Variants in AQP10 observed in about 807,000 individuals in gnomAD.
AQP10 encodes the protein aquaporin-10.
In AQP10, 15 loss-of-function variants were observed where a neutral mutation model predicts 21.0. The observed-to-expected ratio is 0.71, with a 90% CI of 0.48 to 1.10. The LOEUF is 1.10. AQP10 is among the 50% of genes least tolerant of loss of function. The pLI, the probability that AQP10 is intolerant of heterozygous loss-of-function variation, is 0.00. For synonymous variants in AQP10, 143 were observed against 155.7 expected, an observed-to-expected ratio of 0.92 and a Z score of 0.61; for missense variants, 268 against 379.5, an observed-to-expected ratio of 0.71 and a Z score of 2.44.
At position 154,324,940 on chromosome 1, in the gene AQP10, A is replaced by G. The variant is rs1356634023; in HGVS notation, c.*460A>G. The G allele has an allele frequency of 2.6e-5, 4 of 152,444 alleles. No homozygotes were observed. Among genetic ancestry groups the G allele is most frequent in the African/African-American group, 9.7e-5 (4 of 41,422 alleles). 9.4% of individuals were successfully genotyped at this position (152,444 alleles called of 1,614,324 possible). A position where few individuals can be genotyped will look rare whatever the true frequency, so the allele number is the denominator to read the frequency against. On this transcript the variant is annotated 3_prime_UTR_variant, in exon 6 of 6. Transcript: ENST00000324978. ...TCACCCTCTCGGGGATGCCTCCCCAAGAGGGTAGTTAGGGGTGGGGAAGCC... is the reference window on the plus strand; with the variant it reads ...TCACCCTCTCGGGGATGCCTCCCCAGGAGGGTAGTTAGGGGTGGGGAAGCC...
At position 154,322,045 on chromosome 1, in the gene AQP10, G is replaced by A. The variant is rs1685653178; in HGVS notation, c.218G>A (p.Gly73Asp). Residue 73 changes from glycine (G) to aspartate (D), a missense_variant, in exon 2 of 6, where the codon GGT becomes GAT. This residue lies in a region of AQP10 where 229 missense variants were observed against 295.1 expected (regional missense o/e 0.78). Coordinates refer to ENST00000324978, the MANE Select transcript of AQP10 (RefSeq NM_080429.3). Reference protein sequence around the residue: ...SLAVTIAIYVGGNVSGAHLNP... With the variant: ...SLAVTIAIYVDGNVSGAHLNP... ...GCCGTTACGATAGCCATCTACGTGG[G>A]TGGTAACGTCTCAGGTGAGGAGGGT... is the stretch of plus-strand genomic sequence containing the variant. 3 of 1,613,464 alleles carry A rather than the reference G, an allele frequency of 1.9e-6. No homozygotes were observed. The highest frequency in any genetic ancestry group is 2.5e-6 in the Non-Finnish European group (3 of 1,179,676).
intron 2 of AQP10, among the ~76,000 whole-genome samples, chr1:154,322,600 G>A (rs577555369): frequency 3.4e-5 from 5 of 149,054 alleles, no homozygotes; most frequent in South Asian, 2.2e-4. Context: ...CTGGGTTCAC[G>A]CGATTCTCCT....
Position 154,323,033 on chromosome 1 carries a change from T to G in AQP10, c.284T>G (p.Leu95Arg), listed in dbSNP as rs980494215. Residue 95 changes from leucine to arginine, a missense_variant, in exon 3 of 6, where the codon CTC (leucine) becomes CGC (arginine). Coordinates refer to ENST00000324978, the MANE Select transcript of AQP10 (RefSeq NM_080429.3). This position sits in a 1 kb window ranked among gnomAD's most constrained non-coding sequence, Gnocchi z 4.5. ...CTGGCCATGTGCATCGTTGGACGCC[T>G]CCCCTGGGTCAAGCTCCCCATTTAC... ...FSLAMCIVGRLPWVKLPIYIL... is the reference protein window; with the variant it reads ...FSLAMCIVGRRPWVKLPIYIL... 52 of 1,614,146 alleles carry G rather than the reference T, an allele frequency of 3.2e-5. No individual in the cohort carries two copies. Among genetic ancestry groups the G allele is most frequent in the Non-Finnish European group, 4.3e-5 (51 of 1,180,030 alleles).
rs772393746 is a variant in AQP10 at position 154,323,135 on chromosome 1, G to A, written c.370+16G>A. The stretch of plus-strand genomic sequence containing the variant: ...CTCTACCATGGTGACAGAGGGAACA[G>A]AGGGAGCTGTGCCTTGAGAGCACCT... On this transcript the variant is annotated intron_variant, in intron 3 of 5. Transcript: ENST00000324978. The surrounding 1 kb of genome is among the most constrained non-coding windows in gnomAD (Gnocchi z 4.5). 3 of 1,614,172 alleles carry A rather than the reference G, an allele frequency of 1.9e-6. No individual in the cohort carries two copies. Among genetic ancestry groups the A allele is most frequent in the South Asian group, 1.1e-5 (1 of 91,086 alleles).
chr1:154,321,290 AG>A, intron 1 of AQP10, 30 bp downstream of exon 1: 1 of 1,587,128 alleles, frequency 6.3e-7, no homozygotes. Flanking sequence ...GAAGGAAAGA[AG>A]GGGGTTGGGC....
chr1:154,323,645 C>A lies in AQP10; in HGVS notation c.546C>A (p.Asn182Lys). The change falls in exon 5 of 6, where the codon AAC becomes AAA. Residue 182 changes from asparagine to lysine, a missense_variant. Physicochemically the swap from Asn to Lys is moderately conservative, Grantham distance 94 (BLOSUM62 0). Transcript: ENST00000324978. The surrounding 1 kb of genome is among the most constrained non-coding windows in gnomAD (Gnocchi z 4.5). ...VGLLAILDRR[N>K]KGVPAGLEPV... ...TCTTGGCCATCCTGGACAGACGGAA[C>A]AAGGGAGTCCCTGCGGGTCTGGAGC... 6.2e-7 allele frequency: 1 copy of A among 1,614,200 alleles called. No individual in the cohort carries two copies. The highest frequency in any genetic ancestry group is 8.5e-7 in the Non-Finnish European group (1 of 1,180,026).
rs759248478 is a variant in AQP10 at position 154,323,168 on chromosome 1, G to A, written c.370+49G>A. On this transcript the variant is annotated intron_variant, in intron 3 of 5. Coordinates refer to ENST00000324978, the MANE Select transcript of AQP10 (RefSeq NM_080429.3). This position sits in a 1 kb window ranked among gnomAD's most constrained non-coding sequence, Gnocchi z 4.5. Reference sequence around the variant, plus strand: ...TGTGCCTTGAGAGCACCTGTGGGTGGGCAGGGGTGCCTCAGAATGGTTTTG... The same window carrying A: ...TGTGCCTTGAGAGCACCTGTGGGTGAGCAGGGGTGCCTCAGAATGGTTTTG... 1.2e-6 allele frequency: 2 copies of A among 1,613,946 alleles called. No homozygotes were observed. Among genetic ancestry groups the A allele is most frequent in the South Asian group, 1.1e-5 (1 of 91,082 alleles).
rs556679086 is a variant in AQP10, at chr1:154,323,885, C to G, written c.707+79C>G. Reference sequence around the variant, plus strand: ...GCTCTGTCCCTGGGTCCACAGCACTCTGCCTTTAAAATAGCTCTCTTGGCT... The same window carrying G: ...GCTCTGTCCCTGGGTCCACAGCACTGTGCCTTTAAAATAGCTCTCTTGGCT... On this transcript the variant is annotated intron_variant, in intron 5 of 5. Transcript: ENST00000324978. This position sits in a 1 kb window ranked among gnomAD's most constrained non-coding sequence, Gnocchi z 4.5. 22 of 1,557,904 alleles carry G rather than the reference C, an allele frequency of 1.4e-5. No homozygotes were observed. The South Asian group carries it at 2.3e-4, about 16-fold the overall frequency.
chr1:154,324,768 C>A lies in AQP10; in HGVS notation c.*288C>A. 3.5e-6 allele frequency: 1 copy of A among 289,070 alleles called. No homozygotes were observed. 17.9% of individuals were successfully genotyped at this position (289,070 alleles called of 1,614,324 possible). ...CTCGAGGTAACCGCTAGAGGGTGCG[C>A]ACCTGGATGCTGGATGGGGACGGCT... On this transcript the variant is annotated 3_prime_UTR_variant, in exon 6 of 6. Coordinates refer to ENST00000324978, the MANE Select transcript of AQP10 (RefSeq NM_080429.3).
chr1:154,322,608 C>T (rs1411073295), intron 2 of AQP10, among the ~76,000 whole-genome samples: 2 of 150,294 alleles, frequency 1.3e-5, no homozygotes, highest in African/African-American at 4.9e-5. Flanking sequence ...ACGCGATTCT[C>T]CTGCCTCAGC....
chr1:154,324,513 G>T lies in AQP10; in HGVS notation c.*33G>T, dbSNP rs773354186. On this transcript the variant is annotated 3_prime_UTR_variant, in exon 6 of 6. Transcript: ENST00000324978. ...AACCCTCACTTCACTCATGGACCCT[G>T]GAGCCAGCCACTGACCCCGCCTGGG... is the stretch of plus-strand genomic sequence containing the variant. 72 of 1,593,904 alleles carry T rather than the reference G, an allele frequency of 4.5e-5. No homozygotes were observed. The highest frequency in any genetic ancestry group is 6.1e-5 in the Non-Finnish European group (71 of 1,168,926).
At chr1:154,322,844 C>G in intron 2 of AQP10, 138 bp from the exon 3 acceptor site, 1 of 1,115,804 alleles carries the variant, frequency 9.0e-7, no homozygotes, top group Non-Finnish European at 1.3e-6. Context: ...ACATCTGGAG[C>G]CTCAATTTCC....
At chr1:154,322,154 C>T (rs1437730421) in intron 2 of AQP10, 95 bp downstream of exon 2, 14 of 1,532,646 alleles carry the variant, frequency 9.1e-6, no homozygotes, top group East Asian at 7.2e-5. Flanking sequence ...TTCTGTGACT[C>T]GTGGACATTA....
rs753703583 is a variant in AQP10, at chr1:154,321,938, C to T, written c.111C>T (p.Leu37=). The change falls in exon 2 of 6, where the codon CTC becomes CTT. Residue 37 remains leucine, a synonymous_variant. Transcript: ENST00000324978. The part of the protein sequence containing the change: ...EFLGVFVLML[L]TQGAVAQAVT... The stretch of plus-strand genomic sequence containing the variant: ...ATCTCTCCTCTTCTCAGCAGCTCCT[C>T]ACCCAAGGAGCTGTGGCCCAGGCTG... 7 of 1,612,350 alleles carry T rather than the reference C, an allele frequency of 4.3e-6. No homozygotes were observed. Among genetic ancestry groups the T allele is most frequent in the Non-Finnish European group, 5.1e-6 (6 of 1,179,636 alleles).
intron 5 of AQP10, chr1:154,324,032 C>A: frequency 7.1e-7 from 1 of 1,406,790 alleles, no homozygotes; most frequent in Non-Finnish European, 9.3e-7. Context: ...ACATTACTTC[C>A]ATGCACATTA....
chr1:154,322,122 G>T, intron 2 of AQP10, 63 bp downstream of exon 2: 1 of 1,598,168 alleles, frequency 6.3e-7, no homozygotes, highest in East Asian at 2.2e-5. Context: ...TGTCTGTCTG[G>T]TGATGGTGGA....
In AQP10 at chr1:154,323,969, C is replaced by T. The variant is rs1685705403; in HGVS notation, c.707+163C>T. On this transcript the variant is annotated intron_variant, in intron 5 of 5. Transcript: ENST00000324978. The surrounding 1 kb of genome is among the most constrained non-coding windows in gnomAD (Gnocchi z 4.5). ...CTCCCCCTTTCTCCCTTGCTTCCCT[C>T]CCAACTTTTCACTGAAACAGTAAGA... 2.1e-6 allele frequency: 3 copies of T among 1,456,388 alleles called. No homozygotes were observed. In the East Asian group the frequency reaches 7.5e-5, roughly 36 times the overall value. The allele number at this position is 1,456,388 out of a possible 1,614,324, so 90.2% of individuals were successfully genotyped here. A position where few individuals can be genotyped will look rare whatever the true frequency, so the allele number is the denominator to read the frequency against.
At position 154,321,199 on chromosome 1, in the gene AQP10, G is replaced by A. The variant is rs6668968; in HGVS notation, c.44G>A (p.Arg15Gln). 0.3 allele frequency: 487,250 copies of A among 1,612,822 alleles called. 74,877 individuals are homozygous for A. Among genetic ancestry groups the A allele is most frequent in the South Asian group, 0.34 (31,206 of 90,950 alleles). ...QAPAEIMGHL[R>Q]IRSLLARQCL... Reference sequence around the variant, plus strand: ...CCGGCTGAAATCATGGGCCACCTCCGGATACGCAGCCTCCTGGCCCGGCAG... The same window carrying A: ...CCGGCTGAAATCATGGGCCACCTCCAGATACGCAGCCTCCTGGCCCGGCAG... The change falls in exon 1 of 6, where the codon CGG (arginine) becomes CAG (glutamine). Residue 15 changes from arginine (R) to glutamine (Q), a missense_variant. By Grantham distance (43) the Arg-to-Gln change is conservative (BLOSUM62 1). Transcript: ENST00000324978.
intron 5 of AQP10, 195 bp downstream of exon 5, chr1:154,324,001 G>A: frequency 6.9e-7 from 1 of 1,444,832 alleles, no homozygotes; most frequent in Non-Finnish European, 9.1e-7. Flanking sequence ...AAGATTTAGA[G>A]GTTGTGTTCT....
Sources: allele counts gnomAD v4.1 joint callset (sites outside exome capture counted in the v4.1 genomes callset), GRCh38; gene constraint gnomAD v4.1.1; regional missense constraint gnomAD v4.1.1; non-coding constraint Gnocchi (gnomAD v3.1); transcripts MANE v1.5; gene names NCBI Gene and HGNC (gene_info 2026-07-23, HGNC 2026-07-21).